The following SLC13A1 variants were observed in gnomAD, a reference collection of about 807,000 sequenced individuals.
The protein encoded by SLC13A1 is solute carrier family 13 member 1.
Under a neutral mutation model 70.0 loss-of-function variants are expected in SLC13A1, and 65 were observed. That is an observed-to-expected ratio of 0.93 (90% confidence interval 0.76 to 1.14). The LOEUF is 1.14. Among genes scored for constraint, SLC13A1 ranks in the 50% most tolerant of loss-of-function variants. SLC13A1 has a pLI of 0.00. For synonymous variants in SLC13A1, 275 were observed against 250.5 expected (o/e 1.10, Z -0.92); for missense variants, 726 against 717.8 (o/e 1.01, Z -0.13).
chr7:123,180,233 G>T (rs141152564), intron 2 of SLC13A1, among the ~76,000 whole-genome samples: 2 of 152,054 alleles, frequency 1.3e-5, no homozygotes, highest in Non-Finnish European at 1.5e-5. Flanking sequence ...TGTAATCAAG[G>T]GTTTGTTAAA....
chr7:123,125,938 A>G (rs1793544223), intron 10 of SLC13A1, among the ~76,000 whole-genome samples: 1 of 152,214 alleles, frequency 6.6e-6, no homozygotes, highest in South Asian at 2.1e-4. Context: ...ATGCTGACAT[A>G]CTAGGCCAAA....
chr7:123,135,652 T>C (rs866982650), intron 7 of SLC13A1, among the ~76,000 whole-genome samples: 29 of 152,172 alleles, frequency 1.9e-4, no homozygotes, highest in African/African-American at 7.0e-4. Flanking sequence ...AGCAAATTTA[T>C]ACACTTTAGA....
In SLC13A1 at chr7:123,128,893, AACC is replaced by A; in HGVS notation, c.1082_1084del (p.Trp361del). The A allele has an allele frequency of 6.2e-7, 1 of 1,613,692 alleles. No homozygotes were observed. The highest frequency in any genetic ancestry group is 8.5e-7 in the Non-Finnish European group (1 of 1,179,794). Reference sequence around the variant, plus strand: ...AGGAACAAATCCGGGGTCTCGACTAAACCATAGCAGAGCCATTATAATGAAGAG... The same window carrying A: ...AGGAACAAATCCGGGGTCTCGACTAAATAGCAGAGCCATTATAATGAAGAG... On this transcript the variant is annotated inframe_deletion, in exon 10 of 15. Transcript: ENST00000194130.
chr7:123,130,252 G>A (rs1793709760), intron 8 of SLC13A1, among the ~76,000 whole-genome samples: 1 of 152,092 alleles, frequency 6.6e-6, no homozygotes, highest in Non-Finnish European at 1.5e-5. Flanking sequence ...CTGTTTTAAT[G>A]ATACATGCAT....
intron 1 of SLC13A1, among the ~76,000 whole-genome samples, chr7:123,189,833 T>A (rs1795939411): frequency 6.6e-6 from 1 of 152,118 alleles, no homozygotes; most frequent in South Asian, 2.1e-4. Context: ...TTCACCTTAT[T>A]TTTAATCTGA....
chr7:123,170,464 G>A (rs1795230729), intron 3 of SLC13A1, among the ~76,000 whole-genome samples: 1 of 152,156 alleles, frequency 6.6e-6, no homozygotes, highest in South Asian at 2.1e-4. Flanking sequence ...CCACTTAGTG[G>A]CATAATGGAC....
In SLC13A1 at chr7:123,171,827, C is replaced by T. The variant is rs769792098; in HGVS notation, c.306G>A (p.Trp102Ter). 1.1e-5 allele frequency: 18 copies of T among 1,613,672 alleles called. No individual in the cohort carries two copies. Among genetic ancestry groups the T allele is most frequent in the Non-Finnish European group, 1.5e-5 (18 of 1,179,836 alleles). ...TCAGAGCAATTCTCTTGTGCAAATT[C>T]CATTTTTCTATGGATGTTGCTAAAC... is the stretch of plus-strand genomic sequence containing the variant. ...VICLATSIEKWNLHKRIALKM... is the reference protein window; with the variant it reads ...VICLATSIEK Residue 102 changes from tryptophan to a stop codon, truncating the protein, a stop_gained, in exon 3 of 15, where the codon TGG becomes TGA. Transcript: ENST00000194130. LOFTEE classifies it high-confidence loss of function.
At chr7:123,117,377 T>C in intron 14 of SLC13A1, 94 bp downstream of exon 14, 3 of 1,221,868 alleles carry the variant, frequency 2.5e-6, no homozygotes, top group East Asian at 4.7e-5. Context: ...CTTTTCCTGG[T>C]GGTTGATTGG....
chr7:123,151,797 CA>C (rs1794565501), intron 6 of SLC13A1, among the ~76,000 whole-genome samples: 1 of 152,078 alleles, frequency 6.6e-6, no homozygotes, highest in Non-Finnish European at 1.5e-5. Flanking sequence ...TTGTCCTCCT[CA>C]AAAACATTAT....
chr7:123,139,856 A>C (rs1794070236), intron 7 of SLC13A1, among the ~76,000 whole-genome samples: 1 of 152,084 alleles, frequency 6.6e-6, no homozygotes, highest in Non-Finnish European at 1.5e-5. Flanking sequence ...TATCATCAGC[A>C]AACAAGGATA....
chr7:123,129,266 T>G (rs982065991), intron 9 of SLC13A1, 117 bp downstream of exon 9: 4 of 879,522 alleles, frequency 4.5e-6, no homozygotes, highest in African/African-American at 3.4e-5. Context: ...TGCAAGCAAT[T>G]ATGTGCTTGT....
At chr7:123,156,585 T>A (rs1274142048) in intron 6 of SLC13A1, among the ~76,000 whole-genome samples, 2 of 152,158 alleles carry the variant, frequency 1.3e-5, no homozygotes, top group Non-Finnish European at 2.9e-5. Flanking sequence ...GTTAAGTTAA[T>A]AACAGATTAT....
At chr7:123,158,645 A>T (rs183089795) in intron 6 of SLC13A1, among the ~76,000 whole-genome samples, 138 of 151,404 alleles carry the variant, frequency 9.1e-4, no homozygotes, top group African/African-American at 3.0e-3. Flanking sequence ...AAATTCTATC[A>T]CACACACACA....
intron 7 of SLC13A1, among the ~76,000 whole-genome samples, chr7:123,145,709 T>G (rs1460882300): frequency 6.6e-6 from 1 of 151,952 alleles, no homozygotes; most frequent in Non-Finnish European, 1.5e-5. Flanking sequence ...GTAATTGGAG[T>G]GTAGATAATG....
rs1793113877 is a variant in SLC13A1, at chr7:123,114,379, T to A, written c.*1139A>T. ...TCAGGGTAATTGGAAACTCATTCTT[T>A]TTCGCATCCTCACTTCTAGAAGACT... On this transcript the variant is annotated 3_prime_UTR_variant, in exon 15 of 15. Transcript: ENST00000194130. 1 of 152,152 alleles carries A rather than the reference T, an allele frequency of 6.6e-6. No homozygotes were observed. The highest frequency in any genetic ancestry group is 1.5e-5 in the Non-Finnish European group (1 of 68,022). The allele number at this position is 152,152 out of a possible 1,614,324, so 9.4% of individuals were successfully genotyped here.
intron 1 of SLC13A1, among the ~76,000 whole-genome samples, chr7:123,183,702 C>A (rs1047153714): frequency 1.3e-5 from 2 of 152,126 alleles, no homozygotes; most frequent in Non-Finnish European, 2.9e-5. Flanking sequence ...AATCAATCAG[C>A]ATTTTCAGGC....
rs894207322 is a variant in SLC13A1 at position 123,134,521 on chromosome 7, G to A, written c.821C>T (p.Pro274Leu). The change falls in exon 8 of 15, where the codon CCT becomes CTT. Residue 274 changes from proline to leucine, a missense_variant. By Grantham distance (98) the Pro-to-Leu change is moderately conservative. Coordinates refer to ENST00000194130, the MANE Select transcript of SLC13A1 (RefSeq NM_022444.4). ...TCCAAAGTTGAGGCAACGACAGTCA[G>A]GATAGCGTCTGTGTGAAAACATGGA... ...IFAEYFNTRY[P>L]DCRCLNFGSW... 1.9e-6 allele frequency: 3 copies of A among 1,613,004 alleles called. No homozygotes were observed. The highest frequency in any genetic ancestry group is 3.3e-4 in the Middle Eastern group (2 of 6,054).
At chr7:123,169,427 G>A (rs1455946391) in intron 3 of SLC13A1, 92 bp from the exon 4 acceptor site, 2 of 1,205,242 alleles carry the variant, frequency 1.7e-6, no homozygotes, top group African/African-American at 1.5e-5. Flanking sequence ...TGTGTTTTGT[G>A]AGTTGGGAAA....
intron 3 of SLC13A1, among the ~76,000 whole-genome samples, 188 bp downstream of exon 3, chr7:123,171,580 T>A (rs1341012805): frequency 6.6e-6 from 1 of 152,182 alleles, no homozygotes; most frequent in Non-Finnish European, 1.5e-5. Flanking sequence ...GCAGTGAAAG[T>A]TGTTTTTTTT....
Sources: gnomAD v4.1 joint callset for allele counts (sites outside exome capture counted in the v4.1 genomes callset) on GRCh38, gnomAD v4.1.1 for gene constraint, MANE v1.5 for transcripts, NCBI Gene and HGNC (gene_info 2026-07-23, HGNC 2026-07-21) for gene names.